NR3C1: variants seen among roughly 807,000 people sequenced by gnomAD.
NR3C1 encodes the protein glucocorticoid receptor.
Under a neutral mutation model 74.0 loss-of-function variants are expected in NR3C1, and 14 were observed. The ratio of observed to expected loss-of-function variants is 0.19; its 90% CI spans 0.12 to 0.30. NR3C1 has a LOEUF of 0.30. Ranked by LOEUF, NR3C1 falls within the 10% of genes least tolerant of loss-of-function variation. NR3C1 has a pLI of 1.00. For missense variants in NR3C1, 695 were observed against 909.8 expected (o/e 0.76, Z 3.04); for synonymous variants, 308 against 332.5 (o/e 0.93, Z 0.80).
upstream of NR3C1, chr5:143,405,414 G>A (rs748832262): frequency 1.9e-5 from 18 of 941,148 alleles, no homozygotes; most frequent in Non-Finnish European, 2.3e-5. Context: ...CCCGGAAGCC[G>A]CCCGCCGCCA....
At chr5:143,314,836 A>G (rs1821745038) in intron 2 of NR3C1, among the ~76,000 whole-genome samples, 1 of 152,182 alleles carries the variant, frequency 6.6e-6, no homozygotes, top group African/African-American at 2.4e-5. Flanking sequence ...AACATTTTCT[A>G]TAACCTTCCT....
At chr5:143,333,464 C>T (rs1416571686) in intron 2 of NR3C1, among the ~76,000 whole-genome samples, 5 of 152,050 alleles carry the variant, frequency 3.3e-5, no homozygotes, top group African/African-American at 7.2e-5. Context: ...TTAAAGATGT[C>T]GAGTAACTAA....
At chr5:143,304,822 T>C (rs1036990704) in intron 4 of NR3C1, among the ~76,000 whole-genome samples, 4 of 152,130 alleles carry the variant, frequency 2.6e-5, no homozygotes, top group African/African-American at 9.7e-5. Context: ...ATTCCATTAA[T>C]GGTGCTGGGA....
chr5:143,281,597 TCTTTG>T lies in NR3C1; in HGVS notation c.*287_*291del. On this transcript the variant is annotated 3_prime_UTR_variant, in exon 9 of 9. Coordinates refer to ENST00000394464, the MANE Select transcript of NR3C1 (RefSeq NM_000176.3). Reference sequence around the variant, plus strand: ...GCACTGGTGGTTTAGGTGCCATCCTTCTTTGACTGTGGAGATTACGTCCACATATT... The same window carrying T: ...GCACTGGTGGTTTAGGTGCCATCCTTACTGTGGAGATTACGTCCACATATT... The T allele has an allele frequency of 2.9e-6, 1 of 345,954 alleles. No individual in the cohort carries two copies. 21.4% of individuals were successfully genotyped at this position (345,954 alleles called of 1,614,324 possible).
At position 143,300,660 on chromosome 5, in the gene NR3C1, C is replaced by T. The variant is rs138266608; in HGVS notation, c.1572G>A (p.Thr524=). 14 of 1,613,964 alleles carry T rather than the reference C, an allele frequency of 8.7e-6. No homozygotes were observed. Among genetic ancestry groups the T allele is most frequent in the South Asian group, 1.1e-5 (1 of 91,088 alleles). ...CCAGGGTAGGGGTGAGTTGTGGTAA[C>T]GTTGCAGGAACTATTGTTTTGTTAC... The part of the protein sequence containing the change: ...NPGNKTIVPA[T]LPQLTPTLVS... Residue 524 remains threonine, a synonymous_variant, in exon 5 of 9, where the codon ACG becomes ACA. Coordinates refer to ENST00000394464, the MANE Select transcript of NR3C1 (RefSeq NM_000176.3). This position sits in a 1 kb window ranked among gnomAD's most constrained non-coding sequence, Gnocchi z 5.2.
intron 2 of NR3C1, among the ~76,000 whole-genome samples, chr5:143,376,170 A>G (rs909570914): frequency 1.3e-5 from 2 of 152,232 alleles, no homozygotes; most frequent in African/African-American, 4.8e-5. Context: ...AATCACAATA[A>G]GCCAAAAAAG....
chr5:143,388,551 G>A (rs1288097959), intron 2 of NR3C1, among the ~76,000 whole-genome samples: 2 of 152,218 alleles, frequency 1.3e-5, no homozygotes, highest in Non-Finnish European at 1.5e-5. Context: ...TGTAGCAGGT[G>A]AGCAGATAAG....
At chr5:143,318,299 A>G (rs1177823889) in intron 2 of NR3C1, among the ~76,000 whole-genome samples, 1 of 152,122 alleles carries the variant, frequency 6.6e-6, no homozygotes, top group Non-Finnish European at 1.5e-5. Context: ...AAATTGGACA[A>G]TTTCGTTTTT....
chr5:143,392,691 A>G (rs1838478143), intron 2 of NR3C1, among the ~76,000 whole-genome samples: 1 of 152,218 alleles, frequency 6.6e-6, no homozygotes, highest in Non-Finnish European at 1.5e-5. Context: ...ATGCATGCAA[A>G]GTGCTTAGCA....
chr5:143,374,848 T>C (rs1020758818), intron 2 of NR3C1, among the ~76,000 whole-genome samples: 1 of 152,106 alleles, frequency 6.6e-6, no homozygotes, highest in Non-Finnish European at 1.5e-5. Flanking sequence ...TTAAGAGAAG[T>C]AATTTGTATG....
At chr5:143,418,805 T>C (rs1219567015) in intron 1 of NR3C1, among the ~76,000 whole-genome samples, 1 of 152,166 alleles carries the variant, frequency 6.6e-6, no homozygotes, top group African/African-American at 2.4e-5. Flanking sequence ...CAGAACTGGC[T>C]TGGACGAGGG....
intron 1 of NR3C1, chr5:143,402,834 C>A: frequency 3.0e-6 from 3 of 985,412 alleles, no homozygotes; most frequent in Non-Finnish European, 3.6e-6. Context: ...TTAGCGTTCA[C>A]CACGAAAACG....
chr5:143,294,901 T>C, intron 7 of NR3C1: 1 of 983,710 alleles, frequency 1.0e-6, no homozygotes, highest in Non-Finnish European at 1.2e-6. Context: ...GACATCTTTG[T>C]CTTTGCTAGC....
chr5:143,367,690 G>A (rs920995923), intron 2 of NR3C1, among the ~76,000 whole-genome samples: 12 of 152,050 alleles, frequency 7.9e-5, no homozygotes, highest in African/African-American at 2.4e-4. Context: ...AAATTTAATC[G>A]AAGTACAAGA....
chr5:143,282,155 C>T lies in NR3C1; in HGVS notation c.2182-114G>A, dbSNP rs896707099. The T allele has an allele frequency of 7.6e-6, 8 of 1,054,238 alleles. No homozygotes were observed. In the African/African-American group the frequency reaches 1.1e-4, roughly 15 times the overall value. The allele number at this position is 1,054,238 out of a possible 1,614,324, so 65.3% of individuals were successfully genotyped here. A position where few individuals can be genotyped will look rare whatever the true frequency, so the allele number is the denominator to read the frequency against. ...TCTGGCCTAGAATATACCAATCTCA[C>T]TGGAATTCCCCAGATGAAAAATAAG... is the stretch of plus-strand genomic sequence containing the variant. On this transcript the variant is annotated intron_variant, in intron 8 of 8. Transcript: ENST00000394464.
At chr5:143,409,445 T>C (rs1841223761) in intron 1 of NR3C1, among the ~76,000 whole-genome samples, 2 of 152,236 alleles carry the variant, frequency 1.3e-5, no homozygotes, top group Non-Finnish European at 2.9e-5. Flanking sequence ...ATGGGAACCA[T>C]GTATACGTGT....
intron 2 of NR3C1, among the ~76,000 whole-genome samples, chr5:143,370,001 T>A (rs991275476): frequency 1.1e-4 from 16 of 152,084 alleles, no homozygotes; most frequent in African/African-American, 2.9e-4. Flanking sequence ...AATCTTCAAG[T>A]TTTTTCTTTT....
At chr5:143,374,738 GC>G (rs1271149346) in intron 2 of NR3C1, among the ~76,000 whole-genome samples, 2 of 152,142 alleles carry the variant, frequency 1.3e-5, no homozygotes, top group African/African-American at 4.8e-5. Flanking sequence ...ACTTCACCTT[GC>G]CAGGCTCCAG....
At chr5:143,415,512 A>G (rs1203642511) in intron 1 of NR3C1, among the ~76,000 whole-genome samples, 2 of 152,206 alleles carry the variant, frequency 1.3e-5, no homozygotes, top group South Asian at 2.1e-4. Context: ...GGATGCATGC[A>G]TGCATATATG....
Sources: gnomAD v4.1 joint callset for allele counts (sites outside exome capture counted in the v4.1 genomes callset) on GRCh38, gnomAD v4.1.1 for gene constraint, Gnocchi (gnomAD v3.1) non-coding constraint, MANE v1.5 for transcripts, NCBI Gene and HGNC (gene_info 2026-07-23, HGNC 2026-07-21) for gene names.